Variants in SDK1 observed in about 807,000 individuals in gnomAD.
SDK1 encodes sidekick cell adhesion molecule 1, also known as protein sidekick-1.
In SDK1, 157 loss-of-function variants were observed where a neutral mutation model predicts 245.5. The ratio of observed to expected loss-of-function variants is 0.64; its 90% CI spans 0.56 to 0.73. The LOEUF is 0.73. Ranked by LOEUF, SDK1 falls within the 30% of genes least tolerant of loss-of-function variation. The pLI, the probability that SDK1 is intolerant of heterozygous loss-of-function variation, is 0.00. For synonymous variants in SDK1, 1,647 were observed against 1,278.5 expected (o/e 1.29, Z -6.15); for missense variants, 3,583 against 3,002.3 (o/e 1.19, Z -4.52).
At chr7:3,986,927 G>A (rs141170204) in intron 13 of SDK1, among the ~76,000 whole-genome samples, 361 of 152,294 alleles carry the variant, frequency 2.4e-3, no homozygotes, top group African/African-American at 8.1e-3. Flanking sequence ...ATGTGACAGC[G>A]TCAGTACTTG....
chr7:4,073,842 T>C (rs951608318), intron 20 of SDK1, among the ~76,000 whole-genome samples: 3 of 152,166 alleles, frequency 2.0e-5, no homozygotes, highest in African/African-American at 4.8e-5. Flanking sequence ...GTGAGACTTT[T>C]AATGCCGGTC....
intron 30 of SDK1, 105 bp downstream of exon 30, chr7:4,149,568 C>G (rs1780216347): frequency 1.5e-6 from 1 of 686,912 alleles, no homozygotes; most frequent in Non-Finnish European, 2.2e-6. Flanking sequence ...GCAGGTGCAC[C>G]CCTGAGAGCA....
At chr7:3,495,475 T>G (rs1781995778) in intron 1 of SDK1, among the ~76,000 whole-genome samples, 1 of 152,060 alleles carries the variant, frequency 6.6e-6, no homozygotes, top group Admixed American at 6.6e-5. Context: ...CCCAGGCAAG[T>G]CTTGAACACC....
chr7:3,346,811 A>ATG (rs1780515316), intron 1 of SDK1, among the ~76,000 whole-genome samples: 1 of 43,514 alleles, frequency 2.3e-5, no homozygotes, highest in Non-Finnish European at 4.3e-5. Context: ...GTGTGTGTAT[A>ATG]TATATATATA....
intron 22 of SDK1, among the ~76,000 whole-genome samples, chr7:4,099,031 A>G (rs1315240094): frequency 6.6e-6 from 1 of 151,772 alleles, no homozygotes. Flanking sequence ...GTAATGATCT[A>G]TGGCCAGGGG....
At chr7:3,852,860 C>T (rs1780453323) in intron 5 of SDK1, among the ~76,000 whole-genome samples, 1 of 151,494 alleles carries the variant, frequency 6.6e-6, no homozygotes, top group South Asian at 2.1e-4. Context: ...TTCTTAAATT[C>T]CATGTACTTT....
chr7:3,641,870 C>A (rs1029209826), intron 3 of SDK1, 88 bp from the exon 4 acceptor site: 3 of 1,093,368 alleles, frequency 2.7e-6, no homozygotes, highest in African/African-American at 1.6e-5. Context: ...AGTGACTTTA[C>A]TGTAACACTT....
intron 4 of SDK1, among the ~76,000 whole-genome samples, chr7:3,649,932 G>A (rs1171091890): frequency 6.6e-6 from 1 of 151,590 alleles, no homozygotes; most frequent in African/African-American, 2.4e-5. Flanking sequence ...CTCTGACCCT[G>A]TATCCCCTGA....
intron 41 of SDK1, among the ~76,000 whole-genome samples, chr7:4,233,960 G>A (rs755612923): frequency 6.6e-6 from 1 of 152,202 alleles, no homozygotes; most frequent in South Asian, 2.1e-4. Context: ...CATGAGCCAC[G>A]TGGTGTCCCC....
chr7:4,108,906 G>T (rs773386600), intron 22 of SDK1, among the ~76,000 whole-genome samples: 2 of 152,122 alleles, frequency 1.3e-5, no homozygotes, highest in Non-Finnish European at 2.9e-5. Flanking sequence ...TGGACATTTC[G>T]TAAACTGGAA....
At chr7:3,636,517 C>G (rs1217319872) in intron 2 of SDK1, among the ~76,000 whole-genome samples, 1 of 152,154 alleles carries the variant, frequency 6.6e-6, no homozygotes, top group Non-Finnish European at 1.5e-5. Context: ...TGACGTCATG[C>G]TATGTAGCAA....
intron 2 of SDK1, among the ~76,000 whole-genome samples, chr7:3,637,917 A>G (rs917972794): frequency 2.6e-5 from 4 of 152,252 alleles, no homozygotes; most frequent in African/African-American, 9.6e-5. Flanking sequence ...TCTGTATCTC[A>G]TCCTGAAAGT....
intron 22 of SDK1, among the ~76,000 whole-genome samples, chr7:4,096,277 T>A (rs1464400415): frequency 2.0e-5 from 3 of 152,210 alleles, no homozygotes; most frequent in African/African-American, 7.2e-5. Flanking sequence ...CAGAGCCAGC[T>A]CTGGGACCTG....
chr7:3,694,742 G>A (rs1784527259), intron 4 of SDK1, among the ~76,000 whole-genome samples: 1 of 152,090 alleles, frequency 6.6e-6, no homozygotes, highest in Admixed American at 6.5e-5. Flanking sequence ...TCCATAGTTT[G>A]AGCCCAGGAA....
intron 4 of SDK1, among the ~76,000 whole-genome samples, chr7:3,728,220 A>G (rs1178225127): frequency 6.6e-6 from 1 of 152,154 alleles, no homozygotes; most frequent in East Asian, 1.9e-4. Context: ...AGCTATCTCC[A>G]CTGTAAAGTT....
intron 17 of SDK1, among the ~76,000 whole-genome samples, chr7:4,047,758 G>A (rs958423964): frequency 1.3e-5 from 2 of 152,202 alleles, no homozygotes; most frequent in Admixed American, 1.3e-4. Flanking sequence ...CTTTCCTTGT[G>A]TTTCCGACCA....
At chr7:3,497,363 CTCT>C (rs2128606978) in intron 1 of SDK1, among the ~76,000 whole-genome samples, 1 of 152,254 alleles carries the variant, frequency 6.6e-6, no homozygotes, top group South Asian at 2.1e-4. Flanking sequence ...AAGCTATGTA[CTCT>C]TCTTTACCTT....
At chr7:3,547,590 C>T (rs899511856) in intron 1 of SDK1, among the ~76,000 whole-genome samples, 1 of 152,224 alleles carries the variant, frequency 6.6e-6, no homozygotes, top group African/African-American at 2.4e-5. Flanking sequence ...AAGGAATCCT[C>T]ATTCATACTT....
At chr7:4,210,000 G>A in intron 37 of SDK1, 25 bp from the exon 38 acceptor site, 1 of 1,536,804 alleles carries the variant, frequency 6.5e-7, no homozygotes, top group Non-Finnish European at 8.7e-7. Context: ...CCCTGTAAAA[G>A]TCACTTTGTG....
Sources: allele counts gnomAD v4.1 joint callset (sites outside exome capture counted in the v4.1 genomes callset), GRCh38; gene constraint gnomAD v4.1.1; transcripts MANE v1.5; gene names NCBI Gene and HGNC (gene_info 2026-07-23, HGNC 2026-07-21).